Variants in SORCS2 observed in about 807,000 individuals in gnomAD.
The protein encoded by SORCS2 is sortilin related VPS10 domain containing receptor 2, also known as VPS10 domain-containing receptor SorCS2.
A neutral mutation model predicts 141.6 loss-of-function variants in SORCS2; 100 were observed. That is an observed-to-expected ratio of 0.71 (90% CI 0.60 to 0.83). The LOEUF is 0.83. Among genes scored for constraint, SORCS2 ranks in the 40% least tolerant of loss-of-function variants. SORCS2 has a pLI of 0.00. For missense variants in SORCS2, 1,646 were observed against 1,560.2 expected, an observed-to-expected ratio of 1.05 and a Z score of -0.93; for synonymous variants, 789 against 676.9, an observed-to-expected ratio of 1.17 and a Z score of -2.57.
intron 1 of SORCS2, among the ~76,000 whole-genome samples, chr4:7,372,260 A>C (rs3864207): frequency 1.3e-5 from 2 of 152,044 alleles, no homozygotes; most frequent in Non-Finnish European, 1.5e-5. Flanking sequence ...TTTTCTTTAA[A>C]GTTAGGTTTA....
Position 7,664,299 on chromosome 4 carries a change from G to A in SORCS2, c.953-54G>A, listed in dbSNP as rs7654477. On this transcript the variant is annotated intron_variant, in intron 6 of 26. Transcript: ENST00000507866. The surrounding 1 kb of genome is among the most constrained non-coding windows in gnomAD (Gnocchi z 4.7). ...TGGAGTCCAGCACATGTCTCGGGCC[G>A]TCTCTGGCTCCGGCTGGAGTCTGAC... is the stretch of plus-strand genomic sequence containing the variant. 11,886 of 1,471,548 alleles carry A rather than the reference G, an allele frequency of 8.1e-3. 688 individuals carry two copies. The African/African-American group carries it at 0.13, about 17-fold the overall frequency. The allele number at this position is 1,471,548 out of a possible 1,614,324, so 91.2% of individuals were successfully genotyped here.
intron 1 of SORCS2, among the ~76,000 whole-genome samples, chr4:7,378,892 A>G (rs534603959): frequency 6.6e-6 from 1 of 152,142 alleles, no homozygotes; most frequent in Non-Finnish European, 1.5e-5. Context: ...TTCTTGCCCT[A>G]TTGGCCACCA....
intron 2 of SORCS2, among the ~76,000 whole-genome samples, chr4:7,456,142 A>T (rs929830433): frequency 6.6e-6 from 1 of 152,164 alleles, no homozygotes; most frequent in Admixed American, 6.5e-5. Flanking sequence ...TAAGGACATC[A>T]GTCCAGTTGG....
intron 2 of SORCS2, chr4:7,459,888 C>G (rs889451924): frequency 1.3e-5 from 2 of 153,222 alleles, no homozygotes; most frequent in African/African-American, 4.8e-5. Context: ...GCTTCTGCCC[C>G]CAATTGGTAG....
intron 1 of SORCS2, among the ~76,000 whole-genome samples, chr4:7,369,044 C>T (rs777601614): frequency 1.3e-5 from 2 of 152,148 alleles, no homozygotes; most frequent in African/African-American, 2.4e-5. Flanking sequence ...TGGTGGCTCA[C>T]ACCTATAATC....
intron 1 of SORCS2, among the ~76,000 whole-genome samples, chr4:7,290,946 T>C (rs1716560291): frequency 6.6e-6 from 1 of 152,182 alleles, no homozygotes; most frequent in Non-Finnish European, 1.5e-5. Flanking sequence ...TACACGGTTC[T>C]TTATTTAATT....
At chr4:7,298,245 C>T (rs906599687) in intron 1 of SORCS2, among the ~76,000 whole-genome samples, 11 of 152,124 alleles carry the variant, frequency 7.2e-5, no homozygotes, top group East Asian at 5.8e-4. Context: ...TGGGGACATC[C>T]GTTTGTACTC....
intron 2 of SORCS2, among the ~76,000 whole-genome samples, chr4:7,406,704 T>C (rs1236645970): frequency 6.6e-6 from 1 of 151,986 alleles, no homozygotes; most frequent in Non-Finnish European, 1.5e-5. Context: ...ATTTTCTGTA[T>C]AGTTTGGTAG....
intron 5 of SORCS2, among the ~76,000 whole-genome samples, chr4:7,655,489 C>T (rs1721705994): frequency 2.0e-5 from 3 of 152,240 alleles, no homozygotes; most frequent in Non-Finnish European, 4.4e-5. Flanking sequence ...TGGGCAAGGG[C>T]CCTTCGTAAT....
chr4:7,508,529 G>A (rs1437089086), intron 2 of SORCS2, among the ~76,000 whole-genome samples: 1 of 151,948 alleles, frequency 6.6e-6, no homozygotes, highest in South Asian at 2.1e-4. Context: ...GTAGAGACGG[G>A]GTTTCACCAT....
At chr4:7,684,863 A>G (rs1049831994) in intron 10 of SORCS2, among the ~76,000 whole-genome samples, 14 of 152,090 alleles carry the variant, frequency 9.2e-5, no homozygotes, top group Non-Finnish European at 1.9e-4. Flanking sequence ...AGGCCGTGGT[A>G]CTAAGAGGGG....
intron 1 of SORCS2, among the ~76,000 whole-genome samples, chr4:7,290,324 G>A (rs1197292398): frequency 5.3e-5 from 8 of 152,124 alleles, no homozygotes; most frequent in Non-Finnish European, 8.8e-5. Flanking sequence ...AGCTGTGGGC[G>A]CCACTATCTG....
rs1467991558 is a variant in SORCS2 at position 7,327,005 on chromosome 4, G to T, written c.481-69283G>T. Among the ~76,000 whole-genome samples, 4 of 152,236 alleles carry T rather than the reference G, an allele frequency of 2.6e-5. 1 individual carries two copies. Among genetic ancestry groups the T allele is most frequent in the Admixed American group, 2.6e-4 (4 of 15,290 alleles). The stretch of plus-strand genomic sequence containing the variant: ...CTCCGGGCCTCCACCCCTGCCCACA[G>T]CTGCTTGGCAAGTCCTCCCAGGCTG... On this transcript the variant is annotated intron_variant, in intron 1 of 26. Transcript: ENST00000507866.
chr4:7,356,259 C>A (rs577605269), intron 1 of SORCS2, among the ~76,000 whole-genome samples: 1 of 152,208 alleles, frequency 6.6e-6, no homozygotes, highest in African/African-American at 2.4e-5. Context: ...CTGCCTTATT[C>A]GGTTTGTTTT....
intron 3 of SORCS2, among the ~76,000 whole-genome samples, chr4:7,537,312 G>A (rs759801777): frequency 5.3e-5 from 8 of 152,172 alleles, no homozygotes; most frequent in South Asian, 2.1e-4. Context: ...CTCCCAGGGC[G>A]ATCCTCTGGG....
At chr4:7,726,939 G>C (rs772160758) in intron 21 of SORCS2, 36 bp downstream of exon 21, 1 of 1,595,322 alleles carries the variant, frequency 6.3e-7, no homozygotes, top group Non-Finnish European at 8.6e-7. Context: ...CACGGCCTCT[G>C]CATCTCTGCT....
At chr4:7,434,407 G>A in intron 2 of SORCS2, 2 of 1,608,348 alleles carry the variant, frequency 1.2e-6, no homozygotes, top group South Asian at 2.2e-5. Context: ...AGCCTCAAAG[G>A]TGTCCTCTTT....
At chr4:7,390,591 C>T (rs71601838) in intron 1 of SORCS2, among the ~76,000 whole-genome samples, 6,345 of 152,252 alleles carry the variant, frequency 0.042, 197 homozygotes, top group Non-Finnish European at 0.064. Flanking sequence ...AGCTTGTACC[C>T]GGGGCCATTG....
At chr4:7,470,386 T>C (rs7693816) in intron 2 of SORCS2, among the ~76,000 whole-genome samples, 137,134 of 151,954 alleles carry the variant, frequency 0.9, 62,830 homozygotes, top group East Asian at 0.99. Flanking sequence ...TCCATCCATC[T>C]ATCCTTCCAT....
Sources: allele counts gnomAD v4.1 joint callset (sites outside exome capture counted in the v4.1 genomes callset), GRCh38; gene constraint gnomAD v4.1.1; non-coding constraint Gnocchi (gnomAD v3.1); transcripts MANE v1.5; gene names NCBI Gene and HGNC (gene_info 2026-07-23, HGNC 2026-07-21).